MARCHF4: variants seen among roughly 807,000 people sequenced by gnomAD.
The protein encoded by MARCHF4 is membrane associated ring-CH-type finger 4.
A neutral mutation model predicts 43.9 loss-of-function variants in MARCHF4; 14 were observed. That is an observed-to-expected ratio of 0.32 (90% CI 0.21 to 0.50). The LOEUF (loss-of-function observed/expected upper bound fraction) is 0.50. MARCHF4 is among the 20% of genes least tolerant of loss of function. The pLI, the probability that MARCHF4 is intolerant of heterozygous loss-of-function variation, is 0.98. For synonymous variants in MARCHF4, 226 were observed against 213.3 expected, an observed-to-expected ratio of 1.06 and a Z score of -0.52; for missense variants, 468 against 536.7, an observed-to-expected ratio of 0.87 and a Z score of 1.27.
At chr2:216,320,541 T>C (rs1048916298) in intron 1 of MARCHF4, among the ~76,000 whole-genome samples, 4 of 152,162 alleles carry the variant, frequency 2.6e-5, no homozygotes, top group African/African-American at 9.7e-5. Flanking sequence ...CCAAGGCCCA[T>C]GTTTTAAGCC....
Position 216,259,305 on chromosome 2 carries a change from T to A in MARCHF4, c.*7A>T. ...GTGGTCATGGCCTTCCTTCCGGGCC[T>A]CTGCTCTCACACTGTCGTGACTCTC... is the stretch of plus-strand genomic sequence containing the variant. On this transcript the variant is annotated 3_prime_UTR_variant, in exon 4 of 4. Transcript: ENST00000273067. The A allele has an allele frequency of 1.3e-6, 2 of 1,524,406 alleles. No homozygotes were observed. Among genetic ancestry groups the A allele is most frequent in the Non-Finnish European group, 1.8e-6 (2 of 1,134,650 alleles). The allele number at this position is 1,524,406 out of a possible 1,614,324, so 94.4% of individuals were successfully genotyped here.
At chr2:216,321,335 A>G (rs1691892757) in intron 1 of MARCHF4, among the ~76,000 whole-genome samples, 1 of 152,148 alleles carries the variant, frequency 6.6e-6, no homozygotes, top group Admixed American at 6.5e-5. Flanking sequence ...AGGTGTATGG[A>G]TATATATACA....
intron 1 of MARCHF4, among the ~76,000 whole-genome samples, chr2:216,345,276 G>C (rs1232584276): frequency 6.6e-6 from 1 of 151,806 alleles, no homozygotes; most frequent in Non-Finnish European, 1.5e-5. Flanking sequence ...GTTACACATC[G>C]AGCAAGGGTT....
At chr2:216,311,207 G>T (rs34046688) in intron 1 of MARCHF4, among the ~76,000 whole-genome samples, 60,859 of 151,942 alleles carry the variant, frequency 0.4, 13,066 homozygotes, top group Middle Eastern at 0.52. Flanking sequence ...TTATTGGTGA[G>T]GGCTCCATAA....
chr2:216,282,883 C>G (rs551739060), intron 2 of MARCHF4, among the ~76,000 whole-genome samples: 68 of 152,154 alleles, frequency 4.5e-4, no homozygotes, highest in Non-Finnish European at 9.3e-4. Flanking sequence ...TTTTTCTCTG[C>G]CTCCCTCTCC....
At chr2:216,317,784 G>A (rs754500551) in intron 1 of MARCHF4, among the ~76,000 whole-genome samples, 5 of 152,100 alleles carry the variant, frequency 3.3e-5, no homozygotes, top group South Asian at 2.1e-4. Context: ...GCATATGACC[G>A]GGTCGTGTGG....
At chr2:216,300,845 C>T (rs1008661563) in intron 1 of MARCHF4, among the ~76,000 whole-genome samples, 1 of 152,118 alleles carries the variant, frequency 6.6e-6, no homozygotes, top group East Asian at 1.9e-4. Context: ...TTCCTGGGAC[C>T]ATCAAGTTGT....
intron 1 of MARCHF4, among the ~76,000 whole-genome samples, chr2:216,340,281 G>A (rs906904830): frequency 1.3e-5 from 2 of 152,144 alleles, no homozygotes; most frequent in African/African-American, 4.8e-5. Context: ...AGGGAGTGGG[G>A]GTGGAATTCC....
intron 1 of MARCHF4, among the ~76,000 whole-genome samples, chr2:216,341,213 T>C (rs1692230918): frequency 6.6e-6 from 1 of 152,246 alleles, no homozygotes; most frequent in South Asian, 2.1e-4. Flanking sequence ...ATGTCCTGAC[T>C]GAGATGGCTG....
intron 3 of MARCHF4, among the ~76,000 whole-genome samples, chr2:216,272,999 G>C (rs889060358): frequency 6.6e-6 from 1 of 152,198 alleles, no homozygotes; most frequent in African/African-American, 2.4e-5. Context: ...TCTTCTCATT[G>C]ACTGCTAAGA....
At chr2:216,361,734 A>G (rs1040143150) in intron 1 of MARCHF4, among the ~76,000 whole-genome samples, 1 of 152,202 alleles carries the variant, frequency 6.6e-6, no homozygotes, top group Non-Finnish European at 1.5e-5. Flanking sequence ...GTCAGTCACA[A>G]AAACAGCTTG....
intron 1 of MARCHF4, among the ~76,000 whole-genome samples, chr2:216,363,446 A>G (rs1692618625): frequency 6.6e-6 from 1 of 152,242 alleles, no homozygotes; most frequent in Non-Finnish European, 1.5e-5. Flanking sequence ...TGTACATGTA[A>G]GATAGCTATA....
At chr2:216,281,600 G>A (rs1485782396) in intron 2 of MARCHF4, among the ~76,000 whole-genome samples, 1 of 152,198 alleles carries the variant, frequency 6.6e-6, no homozygotes, top group African/African-American at 2.4e-5. Flanking sequence ...ACATGTTGCT[G>A]GGCCTGAGGA....
intron 1 of MARCHF4, among the ~76,000 whole-genome samples, chr2:216,292,389 C>A (rs1208046360): frequency 6.6e-6 from 1 of 152,182 alleles, no homozygotes; most frequent in Non-Finnish European, 1.5e-5. Flanking sequence ...GAATCTAAAG[C>A]CTTAAAATCA....
At position 216,322,559 on chromosome 2, in the gene MARCHF4, C is replaced by T. The variant is rs146009046; in HGVS notation, c.517-38830G>A. Among the ~76,000 whole-genome samples the T allele has an allele frequency of 9.1e-3, 1,386 of 152,308 alleles. 13 individuals carry two copies. The highest frequency in any genetic ancestry group is 0.031 in the African/African-American group (1,308 of 41,564). On this transcript the variant is annotated intron_variant, in intron 1 of 3. Transcript: ENST00000273067. ...GGTCTCGGCCAGGCACGGTGGCTCA[C>T]GCCTGTAATCTCAACACTTTGGGAG...
intron 1 of MARCHF4, among the ~76,000 whole-genome samples, chr2:216,306,775 A>G (rs1691593402): frequency 6.6e-6 from 1 of 152,122 alleles, no homozygotes; most frequent in South Asian, 2.1e-4. Context: ...CACTTGCCCA[A>G]TCTCATACAG....
intron 1 of MARCHF4, among the ~76,000 whole-genome samples, chr2:216,332,390 TAA>T (rs572537646): frequency 1.8e-4 from 17 of 94,536 alleles, no homozygotes; most frequent in Non-Finnish European, 2.0e-4. Flanking sequence ...AGACTCTGTC[TAA>T]AAAAAAAAAA....
chr2:216,336,227 A>G (rs185360052), intron 1 of MARCHF4, among the ~76,000 whole-genome samples: 198 of 152,346 alleles, frequency 1.3e-3, no homozygotes, highest in Non-Finnish European at 2.3e-3. Context: ...ACAGAAAATG[A>G]CATTAAAAAA....
At chr2:216,288,604 G>A (rs903423460) in intron 1 of MARCHF4, among the ~76,000 whole-genome samples, 7 of 152,028 alleles carry the variant, frequency 4.6e-5, no homozygotes, top group Non-Finnish European at 7.4e-5. Flanking sequence ...GGGAGCATCT[G>A]GGGAAGCTTC....
Sources: allele counts gnomAD v4.1 joint callset (sites outside exome capture counted in the v4.1 genomes callset), GRCh38; gene constraint gnomAD v4.1.1; transcripts MANE v1.5; gene names NCBI Gene and HGNC (gene_info 2026-07-23, HGNC 2026-07-21).